PITPNB: variants seen among roughly 807,000 people sequenced by gnomAD.
The protein encoded by PITPNB is phosphatidylinositol transfer protein beta isoform.
PITPNB carries 16 observed loss-of-function variants against 45.9 expected under a neutral mutation model. The observed-to-expected ratio is 0.35, with a 90% CI of 0.24 to 0.53. The LOEUF is 0.53. Among genes scored for constraint, PITPNB ranks in the 20% least tolerant of loss-of-function variants. The pLI, the probability that PITPNB is intolerant of heterozygous loss-of-function variation, is 0.93. For missense variants in PITPNB, 188 were observed against 330.5 expected, an observed-to-expected ratio of 0.57 and a Z score of 3.34; for synonymous variants, 112 against 108.9, an observed-to-expected ratio of 1.03 and a Z score of -0.18.
intron 2 of PITPNB, 99 bp from the exon 3 acceptor site, chr22:27,911,208 A>C (rs1250872196): frequency 1.3e-6 from 1 of 783,878 alleles, no homozygotes; most frequent in East Asian, 2.6e-5. Context: ...AGAAAAGCAT[A>C]TCCAAACCAT....
At chr22:27,864,890 T>C (rs1934439421) in intron 8 of PITPNB, among the ~76,000 whole-genome samples, 1 of 151,298 alleles carries the variant, frequency 6.6e-6, no homozygotes, top group African/African-American at 2.4e-5. Flanking sequence ...GTGAGCTGAG[T>C]TCGTGCCATT....
chr22:27,917,270 T>C lies in PITPNB; in HGVS notation c.20+1902A>G, dbSNP rs575401902. On this transcript the variant is annotated intron_variant, in intron 1 of 11. Transcript: ENST00000335272. ...TTTCCAAGAGTTAGCTTCATACTAC[T>C]CACATACTGTCAAAGGGATCTACTG... 2.6e-5 allele frequency among the ~76,000 whole-genome samples: 4 copies of C among 152,352 alleles called. No homozygotes were observed. The South Asian group carries it at 8.3e-4, about 32-fold the overall frequency.
At chr22:27,902,836 G>A (rs978257134) in intron 3 of PITPNB, among the ~76,000 whole-genome samples, 6 of 152,056 alleles carry the variant, frequency 3.9e-5, no homozygotes, top group African/African-American at 4.8e-5. Context: ...CTCCCACCTC[G>A]TCTCCTGAGT....
intron 8 of PITPNB, among the ~76,000 whole-genome samples, chr22:27,871,802 G>C (rs1934668061): frequency 6.6e-6 from 1 of 152,126 alleles, no homozygotes; most frequent in African/African-American, 2.4e-5. Flanking sequence ...CCTAATGTTA[G>C]AGGTAAAGCC....
chr22:27,881,985 C>T (rs367796369), intron 7 of PITPNB, among the ~76,000 whole-genome samples: 1 of 152,108 alleles, frequency 6.6e-6, no homozygotes, highest in East Asian at 1.9e-4. Context: ...TTAGAGAGTG[C>T]AATGACGAAG....
At chr22:27,917,804 G>C (rs185533040) in intron 1 of PITPNB, among the ~76,000 whole-genome samples, 335 of 152,238 alleles carry the variant, frequency 2.2e-3, no homozygotes, top group African/African-American at 7.4e-3. Flanking sequence ...ATAATAAATT[G>C]TATTGGCATG....
chr22:27,864,119 T>A (rs1934412745), intron 8 of PITPNB, among the ~76,000 whole-genome samples: 1 of 152,152 alleles, frequency 6.6e-6, no homozygotes, highest in Admixed American at 6.5e-5. Flanking sequence ...AACATAAACA[T>A]TACCAGAAGA....
chr22:27,901,365 T>A (rs1935587999), intron 3 of PITPNB, among the ~76,000 whole-genome samples: 1 of 152,198 alleles, frequency 6.6e-6, no homozygotes, highest in Non-Finnish European at 1.5e-5. Flanking sequence ...ATTATGTCTA[T>A]CTGTAAACCA....
intron 2 of PITPNB, among the ~76,000 whole-genome samples, chr22:27,913,899 C>T (rs1019443133): frequency 6.6e-6 from 1 of 152,198 alleles, no homozygotes; most frequent in African/African-American, 2.4e-5. Context: ...ATGGGATAAA[C>T]TGTAAACAAG....
intron 7 of PITPNB, among the ~76,000 whole-genome samples, chr22:27,874,751 A>T (rs1452702622): frequency 6.6e-6 from 1 of 152,246 alleles, no homozygotes; most frequent in Non-Finnish European, 1.5e-5. Context: ...TCGGTTGGTC[A>T]GTTTAAAACA....
At chr22:27,858,563 T>C (rs1173151270) in intron 9 of PITPNB, 54 bp from the exon 10 acceptor site, 2 of 1,432,946 alleles carry the variant, frequency 1.4e-6, no homozygotes, top group Admixed American at 3.7e-5. Flanking sequence ...CTAAGATTAA[T>C]GACACATTAA....
intron 11 of PITPNB, among the ~76,000 whole-genome samples, chr22:27,854,074 C>T (rs1351136223): frequency 1.3e-5 from 2 of 151,906 alleles, no homozygotes; most frequent in Non-Finnish European, 2.9e-5. Context: ...AATTAAAGAG[C>T]AGGTAGCTCA....
At chr22:27,913,007 G>T (rs5762400) in intron 2 of PITPNB, among the ~76,000 whole-genome samples, 4,650 of 137,846 alleles carry the variant, frequency 0.034, 122 homozygotes, top group African/African-American at 0.063. Flanking sequence ...AAAAAAAGGT[G>T]GGGGGGGGAG....
intron 10 of PITPNB, among the ~76,000 whole-genome samples, chr22:27,857,169 C>G (rs1934198128): frequency 6.6e-6 from 1 of 152,106 alleles, no homozygotes; most frequent in Non-Finnish European, 1.5e-5. Context: ...ATTATGCTGG[C>G]TAGTCTAGAA....
chr22:27,911,813 A>T (rs1935932040), intron 2 of PITPNB, among the ~76,000 whole-genome samples: 1 of 152,238 alleles, frequency 6.6e-6, no homozygotes, highest in East Asian at 1.9e-4. Flanking sequence ...ATATGAATGT[A>T]TACATATTAC....
At position 27,853,459 on chromosome 22, in the gene PITPNB, G is replaced by C; in HGVS notation, c.*243C>G. The C allele has an allele frequency of 3.2e-6, 2 of 629,280 alleles. No individual in the cohort carries two copies. The highest frequency in any genetic ancestry group is 3.9e-5 in the South Asian group (2 of 51,182). 39.0% of individuals were successfully genotyped at this position (629,280 alleles called of 1,614,324 possible). On this transcript the variant is annotated 3_prime_UTR_variant, in exon 12 of 12. Transcript: ENST00000335272. ...ATATATACACAAGTGTGTGTATCTG[G>C]ATCTGTAGCTCTACATGCGCTTTAT...
intron 8 of PITPNB, among the ~76,000 whole-genome samples, chr22:27,871,639 G>C (rs1443953692): frequency 1.3e-5 from 2 of 152,014 alleles, no homozygotes; most frequent in African/African-American, 2.4e-5. Context: ...AAAAGGCTGG[G>C]GACACTAAAT....
At chr22:27,886,592 G>A (rs1935128558) in intron 7 of PITPNB, among the ~76,000 whole-genome samples, 1 of 152,146 alleles carries the variant, frequency 6.6e-6, no homozygotes. Context: ...ACCAAAGACA[G>A]CAAATCTACA....
chr22:27,892,242 G>C (rs927870298), intron 7 of PITPNB, among the ~76,000 whole-genome samples: 1 of 152,176 alleles, frequency 6.6e-6, no homozygotes, highest in South Asian at 2.1e-4. Flanking sequence ...GAGGTGATGG[G>C]AACCAGGGCC....
Sources: allele counts gnomAD v4.1 joint callset (sites outside exome capture counted in the v4.1 genomes callset), GRCh38; gene constraint gnomAD v4.1.1; transcripts MANE v1.5; gene names NCBI Gene and HGNC (gene_info 2026-07-23, HGNC 2026-07-21).